UGT2B10: variants seen among roughly 807,000 people sequenced by gnomAD.
UGT2B10 encodes the protein UDP glucuronosyltransferase family 2 member B10.
Under a neutral mutation model 43.7 loss-of-function variants are expected in UGT2B10, and 51 were observed. The observed-to-expected ratio is 1.17, with a 90% confidence interval of 0.93 to 1.47. The LOEUF is 1.47. Ranked by LOEUF, UGT2B10 falls within the 40% of genes most tolerant of loss-of-function variation. The pLI is 0.00. For synonymous variants in UGT2B10, 225 were observed against 209.0 expected, an observed-to-expected ratio of 1.08 and a Z score of -0.66; for missense variants, 696 against 617.7, an observed-to-expected ratio of 1.13 and a Z score of -1.34.
At chr4:68,825,562 C>T (rs1401415674) in intron 3 of UGT2B10, among the ~76,000 whole-genome samples, 1 of 152,046 alleles carries the variant, frequency 6.6e-6, no homozygotes, top group Non-Finnish European at 1.5e-5. Context: ...CATCTTTTAG[C>T]TTCCACTCAT....
chr4:68,823,383 T>G (rs532670268), intron 3 of UGT2B10, among the ~76,000 whole-genome samples: 1 of 152,130 alleles, frequency 6.6e-6, no homozygotes, highest in East Asian at 1.9e-4. Flanking sequence ...GGTGTGTGCC[T>G]GTAACCCCAG....
At chr4:68,819,339 T>A (rs1257444409) in intron 2 of UGT2B10, among the ~76,000 whole-genome samples, 1 of 151,944 alleles carries the variant, frequency 6.6e-6, no homozygotes, top group African/African-American at 2.4e-5. Flanking sequence ...ATGTCATAGA[T>A]GACAGATACC....
Position 68,826,497 on chromosome 4 carries a change from G to A in UGT2B10, c.1087G>A (p.Gly363Ser), listed in dbSNP as rs761612483. The A allele has an allele frequency of 6.2e-7, 1 of 1,611,438 alleles. No homozygotes were observed. The highest frequency in any genetic ancestry group is 1.3e-5 in the African/African-American group (1 of 74,872). The change falls in exon 4 of 6, where the codon GGT (glycine) becomes AGT (serine). Residue 363 changes from glycine (G) to serine (S), a missense_variant and splice_region_variant. Coordinates refer to ENST00000265403, the MANE Select transcript of UGT2B10 (RefSeq NM_001075.6). ...YKWIPQNDLL[G>S]HPKTRAFITH... Reference sequence around the variant, plus strand: ...GTGGATACCCCAGAATGACCTTCTAGGTAACACTCTGGTGAACAATACTGG... The same window carrying A: ...GTGGATACCCCAGAATGACCTTCTAAGTAACACTCTGGTGAACAATACTGG...
At chr4:68,823,118 T>C (rs1470606335) in intron 3 of UGT2B10, among the ~76,000 whole-genome samples, 1 of 152,054 alleles carries the variant, frequency 6.6e-6, no homozygotes, top group Non-Finnish European at 1.5e-5. Flanking sequence ...TCAGTGGTAG[T>C]ATAGCATGAT....
intron 4 of UGT2B10, among the ~76,000 whole-genome samples, chr4:68,826,987 A>T (rs1578272502): frequency 2.0e-5 from 3 of 152,168 alleles, no homozygotes; most frequent in African/African-American, 7.2e-5. Flanking sequence ...GCTGCCTTGC[A>T]CACCCCACAT....
chr4:68,826,440 G>T lies in UGT2B10; in HGVS notation c.1030G>T (p.Asp344Tyr). Residue 344 changes from aspartate to tyrosine, a missense_variant, in exon 4 of 6, where the codon GAT becomes TAT. Physicochemically the swap from Asp to Tyr is radical, Grantham distance 160. Transcript: ENST00000265403. ...TTGGAGATTTGATGGGAATAAACCAGATGCCTTAGGTCTCAATACTCGACT... is the reference window on the plus strand; with the variant it reads ...TTGGAGATTTGATGGGAATAAACCATATGCCTTAGGTCTCAATACTCGACT... ...VLWRFDGNKP[D>Y]ALGLNTRLYK... 1 of 1,611,920 alleles carries T rather than the reference G, an allele frequency of 6.2e-7. No homozygotes were observed. Among genetic ancestry groups the T allele is most frequent in the Non-Finnish European group, 8.5e-7 (1 of 1,179,176 alleles).
chr4:68,823,908 A>G (rs1038144843), intron 3 of UGT2B10, among the ~76,000 whole-genome samples: 2 of 152,146 alleles, frequency 1.3e-5, no homozygotes, highest in African/African-American at 4.8e-5. Flanking sequence ...CGATATTATC[A>G]TGTTATAGGG....
chr4:68,818,952 G>A (rs573840164), intron 2 of UGT2B10, among the ~76,000 whole-genome samples: 3 of 151,918 alleles, frequency 2.0e-5, no homozygotes, highest in African/African-American at 4.8e-5. Flanking sequence ...TATAAGAAAA[G>A]CCTCCAAGAT....
intron 1 of UGT2B10, among the ~76,000 whole-genome samples, chr4:68,817,311 C>A (rs1737262951): frequency 6.6e-6 from 1 of 151,688 alleles, no homozygotes; most frequent in Non-Finnish European, 1.5e-5. Flanking sequence ...AATTGGAAAT[C>A]TTTTATTTAA....
chr4:68,825,559 T>C (rs1737731430), intron 3 of UGT2B10, among the ~76,000 whole-genome samples: 1 of 152,112 alleles, frequency 6.6e-6, no homozygotes, highest in African/African-American at 2.4e-5. Context: ...TCTCATCTTT[T>C]AGCTTCCACT....
intron 5 of UGT2B10, among the ~76,000 whole-genome samples, chr4:68,830,357 C>G (rs746613437): frequency 6.6e-6 from 1 of 151,460 alleles, no homozygotes; most frequent in African/African-American, 2.4e-5. Flanking sequence ...ACTTTCTCTG[C>G]TTGAAAAAAA....
chr4:68,821,287 C>A (rs1737480738), intron 2 of UGT2B10, among the ~76,000 whole-genome samples: 1 of 152,096 alleles, frequency 6.6e-6, no homozygotes. Context: ...AATTCTCAAT[C>A]AATTGCAGCC....
chr4:68,817,700 A>C (rs1245736272), intron 1 of UGT2B10, among the ~76,000 whole-genome samples: 1 of 151,766 alleles, frequency 6.6e-6, no homozygotes, highest in Non-Finnish European at 1.5e-5. Flanking sequence ...AAATATCTAG[A>C]GGCTACTATT....
chr4:68,816,285 T>A lies in UGT2B10; in HGVS notation c.266T>A (p.Ile89Asn), dbSNP rs1389408603. Residue 89 changes from isoleucine (I) to asparagine (N), a missense_variant, in exon 1 of 6, where the codon ATC (isoleucine) becomes AAC (asparagine). By Grantham distance (149) the Ile-to-Asn change is moderately radical. Coordinates refer to ENST00000265403, the MANE Select transcript of UGT2B10 (RefSeq NM_001075.6). ...SLTKTEFENI[I>N]MQLVKRLSEI... ...ACTAAAACTGAATTTGAGAATATCA[T>A]CATGCAATTGGTTAAGAGATTGTCA... The A allele has an allele frequency of 6.2e-7, 1 of 1,613,180 alleles. No homozygotes were observed. The highest frequency in any genetic ancestry group is 8.5e-7 in the Non-Finnish European group (1 of 1,179,458).
chr4:68,817,909 T>G, intron 1 of UGT2B10, 120 bp from the exon 2 acceptor site: 1 of 1,199,870 alleles, frequency 8.3e-7, no homozygotes, highest in Non-Finnish European at 1.1e-6. Context: ...TATGTACATA[T>G]TTTTCAAAGC....
intron 1 of UGT2B10, among the ~76,000 whole-genome samples, 189 bp downstream of exon 1, chr4:68,816,926 G>T (rs533586235): frequency 1.3e-5 from 2 of 151,746 alleles, no homozygotes; most frequent in Admixed American, 6.6e-5. Context: ...CAGTGAAAAC[G>T]CTGTGACCAT....
intron 3 of UGT2B10, among the ~76,000 whole-genome samples, chr4:68,822,903 T>C (rs1260128550): frequency 1.3e-5 from 2 of 152,152 alleles, no homozygotes; most frequent in Non-Finnish European, 2.9e-5. Context: ...ATCTCAGCAG[T>C]ATCCAATGGG....
Position 68,831,370 on chromosome 4 carries a change from G to C in UGT2B10, c.*491G>C, listed in dbSNP as rs1738092826. 6.6e-6 allele frequency among the ~76,000 whole-genome samples: 1 copy of C among 151,918 alleles called. No individual in the cohort carries two copies. ...AGCATCCCAAAGGGATGAGATTACA[G>C]GTATGTACCACCATAACTTTACAAA... On this transcript the variant is annotated 3_prime_UTR_variant, in exon 6 of 6. Transcript: ENST00000265403.
At chr4:68,827,884 T>C (rs1021121848) in intron 5 of UGT2B10, among the ~76,000 whole-genome samples, 3 of 151,890 alleles carry the variant, frequency 2.0e-5, no homozygotes, top group East Asian at 1.9e-4. Context: ...ATAAAATGTT[T>C]TAATTAAATA....
Sources: gnomAD v4.1 joint callset for allele counts (sites outside exome capture counted in the v4.1 genomes callset) on GRCh38, gnomAD v4.1.1 for gene constraint, MANE v1.5 for transcripts, NCBI Gene and HGNC (gene_info 2026-07-23, HGNC 2026-07-21) for gene names.